The following CAPN8 variants were observed in gnomAD, a reference collection of about 807,000 sequenced individuals.
CAPN8 encodes calpain-8.
In CAPN8, 87 loss-of-function variants were observed where a neutral mutation model predicts 80.9. The observed-to-expected ratio is 1.07, with a 90% CI of 0.90 to 1.28. CAPN8 has a LOEUF of 1.28. Among genes scored for constraint, CAPN8 ranks in the 50% most tolerant of loss-of-function variants. The pLI is 0.00. For missense variants in CAPN8, 757 were observed against 702.0 expected (o/e 1.08, Z -0.89); for synonymous variants, 299 against 273.8 (o/e 1.09, Z -0.91).
At chr1:223,544,303 C>G (rs1656557454) in intron 18 of CAPN8, 120 bp from the exon 19 acceptor site, 3 of 637,530 alleles carry the variant, frequency 4.7e-6, no homozygotes, top group Non-Finnish European at 8.6e-6. Flanking sequence ...ATCTGCAAAC[C>G]AGGCCTGACT....
chr1:223,616,088 TG>T lies in CAPN8; in HGVS notation c.1192del (p.Gln398ArgfsTer16), dbSNP rs1304054670. On this transcript the variant is annotated frameshift_variant, in exon 10 of 21. Transcript: ENST00000366872. LOFTEE classifies it high-confidence loss of function. ...KIRLDEVDED[Q>X]EESIGEPCCT... The stretch of plus-strand genomic sequence containing the variant: ...GCAGGGTTCACCGATGCTCTCCTCC[TG>T]GTCCTCATCCACTTCATCCAAACGG... 1 of 1,552,072 alleles carries T rather than the reference TG, an allele frequency of 6.4e-7. No homozygotes were observed. Among genetic ancestry groups the T allele is most frequent in the Admixed American group, 2.0e-5 (1 of 51,018 alleles).
At chr1:223,622,973 A>G in intron 6 of CAPN8, 73 bp from the exon 7 acceptor site, 1 of 1,205,814 alleles carries the variant, frequency 8.3e-7, no homozygotes, top group Non-Finnish European at 1.2e-6. Context: ...TCTGCACCTG[A>G]CAGGATCTGC....
intron 13 of CAPN8, among the ~76,000 whole-genome samples, chr1:223,555,874 A>G (rs1019768425): frequency 6.6e-6 from 1 of 152,214 alleles, no homozygotes; most frequent in African/African-American, 2.4e-5. Flanking sequence ...CACCTGGCCC[A>G]TGTTGGGAAC....
chr1:223,628,618 G>A (rs765886306), intron 3 of CAPN8, 44 bp downstream of exon 3: 14 of 1,453,304 alleles, frequency 9.6e-6, no homozygotes, highest in African/African-American at 1.4e-5. Context: ...TGAGCCCTAA[G>A]AATACGGAAA....
At position 223,665,439 on chromosome 1, in the gene CAPN8, T is replaced by C; in HGVS notation, c.208A>G (p.Thr70Ala). The C allele has an allele frequency of 6.4e-7, 1 of 1,551,906 alleles. No individual in the cohort carries two copies. The highest frequency in any genetic ancestry group is 8.7e-7 in the Non-Finnish European group (1 of 1,146,936). The change falls in exon 1 of 21, where the codon ACT becomes GCT. Residue 70 changes from threonine to alanine, a missense_variant. Thr to Ala is a moderately conservative substitution (Grantham distance 58). Transcript: ENST00000366872. ...YKDLGPGSPQ[T>A]QGIIWKRPTE... ...GGCCGCTTCCAGATGATGCCTTGAG[T>C]TTGCGGAGAGCCTGGTCCAAGATCC...
rs548559011 is a variant in CAPN8, at chr1:223,634,794, C to T, written c.308-6014G>A. 2.5e-3 allele frequency among the ~76,000 whole-genome samples: 385 copies of T among 152,280 alleles called. 5 individuals are homozygous for T. Among genetic ancestry groups the T allele is most frequent in the African/African-American group, 8.9e-3 (370 of 41,536 alleles). ...TCATGACCTAATCACCTCCCAAAGG[C>T]CCTACCTCCTAATACCATCATATTG... On this transcript the variant is annotated intron_variant, in intron 2 of 20. Transcript: ENST00000366872.
rs542061243 is a variant in CAPN8, at chr1:223,625,665, T to C, written c.813+140A>G. The stretch of plus-strand genomic sequence containing the variant: ...TGTCAGGGGTTCTGTACAGGCAGAG[T>C]GCATCCCAATATGGCAGTGAAGCTC... On this transcript the variant is annotated intron_variant, in intron 6 of 20. Transcript: ENST00000366872. 146 of 652,278 alleles carry C rather than the reference T, an allele frequency of 2.2e-4. No homozygotes were observed. In the East Asian group the frequency reaches 3.4e-3, roughly 15 times the overall value. 40.4% of individuals were successfully genotyped at this position (652,278 alleles called of 1,614,324 possible).
At chr1:223,628,267 G>T in intron 3 of CAPN8, 125 bp from the exon 4 acceptor site, 1 of 1,111,946 alleles carries the variant, frequency 9.0e-7, no homozygotes. Context: ...TTAGGAGCAG[G>T]ACATGTGTCT....
intron 17 of CAPN8, 153 bp from the exon 18 acceptor site, chr1:223,545,003 A>AAG: frequency 6.9e-7 from 1 of 1,455,490 alleles, no homozygotes; most frequent in Non-Finnish European, 9.1e-7. Flanking sequence ...GAGCAAGCAT[A>AAG]AGAGCTTGGC....
At chr1:223,639,330 T>A (rs1657986718) in intron 2 of CAPN8, among the ~76,000 whole-genome samples, 1 of 152,122 alleles carries the variant, frequency 6.6e-6, no homozygotes, top group Admixed American at 6.5e-5. Flanking sequence ...GAGAAAAAAA[T>A]GTACTATAGG....
Position 223,664,298 on chromosome 1 carries a change from G to A in CAPN8, c.237+1112C>T, listed in dbSNP as rs533728627. 9.3e-4 allele frequency among the ~76,000 whole-genome samples: 142 copies of A among 152,276 alleles called. 1 individual carries two copies. The highest frequency in any genetic ancestry group is 2.1e-3 in the South Asian group (10 of 4,824). On this transcript the variant is annotated intron_variant, in intron 1 of 20. Coordinates refer to ENST00000366872, the MANE Select transcript of CAPN8 (RefSeq NM_001143962.2). The stretch of plus-strand genomic sequence containing the variant: ...GAATAATGTCAATTCATGACCTTGC[G>A]CAACCGTGCACCTTTCAGCAATGAT...
intron 2 of CAPN8, among the ~76,000 whole-genome samples, chr1:223,640,700 A>G (rs1658021130): frequency 1.3e-5 from 2 of 152,120 alleles, no homozygotes; most frequent in African/African-American, 4.8e-5. Flanking sequence ...GTAAGACTAT[A>G]AAGGACCCTC....
Position 223,544,105 on chromosome 1 carries a change from C to T in CAPN8, c.1991G>A (p.Ser664Asn), listed in dbSNP as rs940402970. 2.8e-6 allele frequency: 2 copies of T among 718,278 alleles called. No homozygotes were observed. Among genetic ancestry groups the T allele is most frequent in the African/African-American group, 1.7e-5 (1 of 57,264 alleles). The allele number at this position is 718,278 out of a possible 1,614,324, so 44.5% of individuals were successfully genotyped here. A position where few individuals can be genotyped will look rare whatever the true frequency, so the allele number is the denominator to read the frequency against. The change falls in exon 19 of 21, where the codon AGC (serine) becomes AAC (asparagine). Residue 664 changes from serine to asparagine, a missense_variant. By Grantham distance (46) the Ser-to-Asn change is conservative (BLOSUM62 1). Coordinates refer to ENST00000366872, the MANE Select transcript of CAPN8 (RefSeq NM_001143962.2). ...CAGGCGGATCATACAAGCCACGAAG[C>T]TGTCAAAGTTGATGCCAAGCTTGCT... is the stretch of plus-strand genomic sequence containing the variant. Reference protein sequence around the residue: ...ACSKLGINFDSFVACMIRLET... With the variant: ...ACSKLGINFDNFVACMIRLET...
Position 223,625,811 on chromosome 1 carries a change from G to T in CAPN8, c.807C>A (p.Val269=). 3 of 1,549,588 alleles carry T rather than the reference G, an allele frequency of 1.9e-6. No homozygotes were observed. Among genetic ancestry groups the T allele is most frequent in the South Asian group, 2.4e-5 (2 of 83,912 alleles). The part of the protein sequence containing the change: ...VKSHAYSVTG[V]EEVNFQGHPE... ...ACCTTCCACACAATTTTACCTCTTC[G>T]ACTCCAGTGACAGAGTACGCATGAC... Residue 269 remains valine (V), a synonymous_variant, in exon 6 of 21, where the codon GTC becomes GTA. Transcript: ENST00000366872.
At chr1:223,621,538 T>C (rs2102706951) in intron 7 of CAPN8, among the ~76,000 whole-genome samples, 1 of 152,232 alleles carries the variant, frequency 6.6e-6, no homozygotes, top group South Asian at 2.1e-4. Flanking sequence ...CTGTCATCCT[T>C]TTAGGGAAGT....
chr1:223,644,888 G>C (rs1658146199), intron 2 of CAPN8, among the ~76,000 whole-genome samples: 1 of 152,154 alleles, frequency 6.6e-6, no homozygotes, highest in African/African-American at 2.4e-5. Context: ...AGATCCCTCT[G>C]TATTAGTCAG....
chr1:223,659,961 G>A (rs191251467), intron 1 of CAPN8, among the ~76,000 whole-genome samples: 3 of 152,112 alleles, frequency 2.0e-5, no homozygotes, highest in South Asian at 4.1e-4. Context: ...ATGAGCCAAA[G>A]CTCCACAAAG....
At chr1:223,544,413 T>C in intron 18 of CAPN8, 1 of 586,594 alleles carries the variant, frequency 1.7e-6, no homozygotes, top group Admixed American at 3.0e-5. Context: ...CCAGCGCTAG[T>C]ACCAGCACCA....
chr1:223,549,411 G>A, intron 15 of CAPN8, 29 bp from the exon 16 acceptor site: 2 of 1,551,566 alleles, frequency 1.3e-6, no homozygotes, highest in East Asian at 2.4e-5. Flanking sequence ...AAGGGGAGTG[G>A]GAATCGGATC....
Sources: gnomAD v4.1 joint callset for allele counts (sites outside exome capture counted in the v4.1 genomes callset) on GRCh38, gnomAD v4.1.1 for gene constraint, MANE v1.5 for transcripts, NCBI Gene and HGNC (gene_info 2026-07-23, HGNC 2026-07-21) for gene names.